SORCS3: variants seen among roughly 807,000 people sequenced by gnomAD.
The protein encoded by SORCS3 is VPS10 domain-containing receptor SorCS3.
A neutral mutation model predicts 146.3 loss-of-function variants in SORCS3; 57 were observed. That is an observed-to-expected ratio of 0.39 (90% CI 0.31 to 0.49). The LOEUF is 0.49. SORCS3 is among the 20% of genes least tolerant of loss of function. SORCS3 has a pLI of 0.92. For synonymous variants in SORCS3, 653 were observed against 618.5 expected (o/e 1.06, Z -0.83); for missense variants, 1,341 against 1,575.5 (o/e 0.85, Z 2.52).
intron 3 of SORCS3, among the ~76,000 whole-genome samples, chr10:104,945,493 G>A (rs1168876646): frequency 1.3e-5 from 2 of 150,998 alleles, no homozygotes; most frequent in African/African-American, 4.9e-5. Flanking sequence ...TCCTGACTTC[G>A]AGTGATCCAC....
At chr10:104,667,569 AT>A (rs2015797077) in intron 1 of SORCS3, among the ~76,000 whole-genome samples, 1 of 152,234 alleles carries the variant, frequency 6.6e-6, no homozygotes, top group African/African-American at 2.4e-5. Flanking sequence ...AAGAAAAAAA[AT>A]GACTACATTT....
intron 7 of SORCS3, among the ~76,000 whole-genome samples, chr10:105,134,804 C>CA (rs1174426231): frequency 6.6e-6 from 1 of 152,120 alleles, no homozygotes; most frequent in African/African-American, 2.4e-5. Flanking sequence ...CGTTTCATCC[C>CA]AATAGCTTCA....
intron 23 of SORCS3, among the ~76,000 whole-genome samples, chr10:105,254,095 T>G (rs1589712516): frequency 6.6e-6 from 1 of 152,240 alleles, no homozygotes; most frequent in Admixed American, 6.5e-5. Context: ...ATCGATGTTA[T>G]GTGTTCTGCG....
rs145182843 is a variant in SORCS3 at position 104,757,508 on chromosome 10, C to T, written c.628-85284C>T. On this transcript the variant is annotated intron_variant, in intron 1 of 26. Transcript: ENST00000369701. Reference sequence around the variant, plus strand: ...GTGCCACAGTTTCCAGCTGCTTTTGCGTTTCGAGGTGTTACTGTGAATTTT... The same window carrying T: ...GTGCCACAGTTTCCAGCTGCTTTTGTGTTTCGAGGTGTTACTGTGAATTTT... Among the ~76,000 whole-genome samples the T allele has an allele frequency of 3.2e-4, 48 of 152,236 alleles. 1 individual carries two copies. In the East Asian group the frequency reaches 8.9e-3, roughly 28 times the overall value.
intron 1 of SORCS3, among the ~76,000 whole-genome samples, chr10:104,775,161 G>A (rs191428567): frequency 2.6e-4 from 39 of 152,306 alleles, no homozygotes; most frequent in Admixed American, 2.5e-3. Flanking sequence ...GGAAACCTGA[G>A]TTTCAGTCTG....
chr10:105,052,465 T>C (rs897581894), intron 5 of SORCS3, among the ~76,000 whole-genome samples: 7 of 152,162 alleles, frequency 4.6e-5, no homozygotes, highest in Non-Finnish European at 8.8e-5. Context: ...TCTAACTTTA[T>C]TTTCACTCAC....
chr10:105,009,020 A>T (rs1040484277), intron 4 of SORCS3, among the ~76,000 whole-genome samples: 3 of 152,202 alleles, frequency 2.0e-5, no homozygotes, highest in African/African-American at 7.2e-5. Context: ...GAATACAGAC[A>T]AATACTGTTT....
At chr10:104,970,741 TG>T (rs148390719) in intron 3 of SORCS3, among the ~76,000 whole-genome samples, 9,011 of 152,282 alleles carry the variant, frequency 0.059, 264 homozygotes, top group African/African-American at 0.074. Context: ...AAAGTAAGCT[TG>T]TCTTAGAAGC....
intron 1 of SORCS3, among the ~76,000 whole-genome samples, chr10:104,739,275 A>G (rs999188342): frequency 6.6e-6 from 1 of 150,672 alleles, no homozygotes; most frequent in Non-Finnish European, 1.5e-5. Context: ...GAGAAACAGA[A>G]GTTGTATTTG....
chr10:105,249,460 G>A (rs1031055475), intron 22 of SORCS3, among the ~76,000 whole-genome samples: 5 of 152,178 alleles, frequency 3.3e-5, no homozygotes, highest in African/African-American at 1.2e-4. Flanking sequence ...GAAGGACATG[G>A]AGAAGGAGCT....
chr10:104,684,779 G>GTTTTTTTT (rs764055039), intron 1 of SORCS3, among the ~76,000 whole-genome samples: 1 of 81,576 alleles, frequency 1.2e-5, no homozygotes, highest in Non-Finnish European at 2.3e-5. Flanking sequence ...AGTCCTCAGT[G>GTTTTTTTT]TTTTTTTTTT....
intron 1 of SORCS3, among the ~76,000 whole-genome samples, chr10:104,726,305 G>T (rs2016633083): frequency 6.6e-6 from 1 of 152,210 alleles, no homozygotes; most frequent in Non-Finnish European, 1.5e-5. Flanking sequence ...GTCTTGTCCT[G>T]AGTGTTCGTA....
chr10:104,660,513 G>A (rs1356111377), intron 1 of SORCS3, among the ~76,000 whole-genome samples: 1 of 152,214 alleles, frequency 6.6e-6, no homozygotes, highest in African/African-American at 2.4e-5. Context: ...AGCAAGGGAT[G>A]CAGGGAAGTG....
intron 2 of SORCS3, among the ~76,000 whole-genome samples, chr10:104,847,950 C>A (rs1352869487): frequency 6.6e-6 from 1 of 151,920 alleles, no homozygotes; most frequent in Non-Finnish European, 1.5e-5. Flanking sequence ...CCTTTCATGA[C>A]CCTCCTTTCT....
intron 9 of SORCS3, 143 bp downstream of exon 9, chr10:105,147,939 A>G: frequency 1.6e-6 from 1 of 616,368 alleles, no homozygotes; most frequent in Non-Finnish European, 2.8e-6. Flanking sequence ...AGGGACTTCT[A>G]TATGCCTCAA....
chr10:104,891,359 C>T (rs2018747374), intron 2 of SORCS3, among the ~76,000 whole-genome samples: 1 of 152,192 alleles, frequency 6.6e-6, no homozygotes, highest in African/African-American at 2.4e-5. Flanking sequence ...AGGGAGTCCG[C>T]TCTGTATATC....
Position 105,157,271 on chromosome 10 carries a change from T to C in SORCS3, c.1616T>C (p.Val539Ala), listed in dbSNP as rs568629109. The C allele has an allele frequency of 7.4e-6, 12 of 1,613,996 alleles. No individual in the cohort carries two copies. The African/African-American group carries it at 1.5e-4, about 20-fold the overall frequency. The change falls in exon 10 of 27, where the codon GTG becomes GCG. Residue 539 changes from valine (V) to alanine (A), a missense_variant. Transcript: ENST00000369701. ...APDVDLRGSP[V>A]HCLLPFCSLH... ...GATGTGGACCTGAGAGGAAGCCCAG[T>C]GCACTGCCTGCTGGTCAGTCACTCA... is the stretch of plus-strand genomic sequence containing the variant.
chr10:105,082,357 G>A (rs1246162865), intron 5 of SORCS3, among the ~76,000 whole-genome samples: 1 of 151,898 alleles, frequency 6.6e-6, no homozygotes, highest in Non-Finnish European at 1.5e-5. Flanking sequence ...ATCAGTCGGG[G>A]AGCTGGGGGA....
At chr10:104,847,789 C>T (rs1005813884) in intron 2 of SORCS3, among the ~76,000 whole-genome samples, 2 of 152,174 alleles carry the variant, frequency 1.3e-5, no homozygotes, top group Non-Finnish European at 2.9e-5. Flanking sequence ...TGCTTTATTG[C>T]ACCCACCCTA....
Sources: allele counts gnomAD v4.1 joint callset (sites outside exome capture counted in the v4.1 genomes callset), GRCh38; gene constraint gnomAD v4.1.1; transcripts MANE v1.5; gene names NCBI Gene and HGNC (gene_info 2026-07-23, HGNC 2026-07-21).